Variants in BICC1 observed in about 807,000 individuals in gnomAD.
The protein encoded by BICC1 is protein bicaudal C homolog 1.
BICC1 carries 43 observed loss-of-function variants against 111.0 expected under a neutral mutation model. That is an observed-to-expected ratio of 0.39 (90% CI 0.30 to 0.50). The LOEUF is 0.50. Ranked by LOEUF, BICC1 falls within the 20% of genes least tolerant of loss-of-function variation. The probability of loss-of-function intolerance (pLI) is 0.88; values close to 1 mark genes in which losing one functional copy is unlikely to be tolerated. For synonymous variants in BICC1, 467 were observed against 434.4 expected, an observed-to-expected ratio of 1.07 and a Z score of -0.93; for missense variants, 1,091 against 1,203.2, an observed-to-expected ratio of 0.91 and a Z score of 1.38.
chr10:58,541,922 G>A (rs1842994006), intron 1 of BICC1, among the ~76,000 whole-genome samples: 2 of 151,986 alleles, frequency 1.3e-5, no homozygotes, highest in Admixed American at 1.3e-4. Flanking sequence ...GGCAGAGGTG[G>A]GCAGATCGTT....
rs141127868 is a variant in BICC1, at chr10:58,758,931, ATATTTATTTATT to A, written c.308-26036_308-26025del. ...AAGGACAGTATCTTTGATCATTAAAATATTTATTTATTTATTTATTTATTTATTTATTTATTT... is the reference window on the plus strand; with the variant it reads ...AAGGACAGTATCTTTGATCATTAAAATATTTATTTATTTATTTATTTATTT... On this transcript the variant is annotated intron_variant, in intron 3 of 20. Coordinates refer to ENST00000373886, the MANE Select transcript of BICC1 (RefSeq NM_001080512.3). 4.5e-3 allele frequency among the ~76,000 whole-genome samples: 647 copies of A among 144,132 alleles called. 4 individuals are homozygous for A. Among genetic ancestry groups the A allele is most frequent in the African/African-American group, 0.013 (514 of 39,398 alleles). 94.6% of individuals were successfully genotyped at this position (144,132 alleles called of 152,430 possible).
intron 2 of BICC1, among the ~76,000 whole-genome samples, chr10:58,660,315 A>AG (rs1838800274): frequency 6.6e-6 from 1 of 152,184 alleles, no homozygotes; most frequent in Admixed American, 6.6e-5. Flanking sequence ...AGGAGAGTAT[A>AG]GTAATAGGGG....
At chr10:58,821,961 A>G (rs1446717042) in intron 20 of BICC1, among the ~76,000 whole-genome samples, 1 of 152,106 alleles carries the variant, frequency 6.6e-6, no homozygotes, top group Non-Finnish European at 1.5e-5. Context: ...AATGGACAAA[A>G]CGATAGTTTT....
chr10:58,701,804 GT>G (rs1840245046), intron 2 of BICC1, among the ~76,000 whole-genome samples: 1 of 152,016 alleles, frequency 6.6e-6, no homozygotes, highest in Non-Finnish European at 1.5e-5. Flanking sequence ...GTACTTTTTG[GT>G]TTGTGTCTAT....
intron 2 of BICC1, among the ~76,000 whole-genome samples, chr10:58,675,922 C>A (rs1052272185): frequency 1.2e-4 from 19 of 152,200 alleles, no homozygotes; most frequent in African/African-American, 4.6e-4. Flanking sequence ...TCTGCATTTC[C>A]AACTGAGGTA....
chr10:58,825,211 G>A (rs1844359965), intron 20 of BICC1, among the ~76,000 whole-genome samples: 1 of 151,978 alleles, frequency 6.6e-6, no homozygotes, highest in Admixed American at 6.6e-5. Flanking sequence ...AGAAGTATAG[G>A]GTTCATGAGT....
intron 1 of BICC1, among the ~76,000 whole-genome samples, chr10:58,518,016 TTGCC>T (rs1204511950): frequency 3.3e-5 from 5 of 152,194 alleles, no homozygotes; most frequent in African/African-American, 1.2e-4. Context: ...CCCTGGTAGC[TTGCC>T]ATGTGTTGAG....
chr10:58,631,729 T>C (rs562246920), intron 2 of BICC1, among the ~76,000 whole-genome samples: 1 of 152,272 alleles, frequency 6.6e-6, no homozygotes, highest in East Asian at 1.9e-4. Flanking sequence ...CTTTCTTGAG[T>C]TCATCACTAA....
intron 3 of BICC1, among the ~76,000 whole-genome samples, chr10:58,746,654 A>C (rs1212787616): frequency 6.6e-6 from 1 of 152,080 alleles, no homozygotes; most frequent in East Asian, 1.9e-4. Flanking sequence ...ATCAGTTTGC[A>C]GGAGTAGGCT....
chr10:58,630,125 GT>G (rs1564521407), intron 2 of BICC1, among the ~76,000 whole-genome samples: 1 of 152,148 alleles, frequency 6.6e-6, no homozygotes, highest in Non-Finnish European at 1.5e-5. Context: ...GGCATGCTCT[GT>G]GAACTCAGCT....
chr10:58,666,263 G>C (rs917015803), intron 2 of BICC1, among the ~76,000 whole-genome samples: 2 of 152,308 alleles, frequency 1.3e-5, no homozygotes, highest in Admixed American at 1.3e-4. Flanking sequence ...TTGAACACAG[G>C]TTGAACATTC....
intron 2 of BICC1, among the ~76,000 whole-genome samples, chr10:58,634,931 G>A (rs1424745236): frequency 6.6e-6 from 1 of 152,134 alleles, no homozygotes; most frequent in Non-Finnish European, 1.5e-5. Flanking sequence ...TCATCATAAA[G>A]GTCTTTATCC....
At chr10:58,797,926 A>C (rs893438531) in intron 10 of BICC1, among the ~76,000 whole-genome samples, 3 of 152,228 alleles carry the variant, frequency 2.0e-5, no homozygotes, top group African/African-American at 7.2e-5. Flanking sequence ...CTGTTCTGGT[A>C]GCCTACCCTA....
intron 1 of BICC1, among the ~76,000 whole-genome samples, chr10:58,547,055 A>G (rs983194982): frequency 6.6e-6 from 1 of 152,198 alleles, no homozygotes; most frequent in Admixed American, 6.6e-5. Context: ...AGTTATGAAT[A>G]TAGTACAGCG....
chr10:58,799,155 C>T lies in BICC1; in HGVS notation c.1628C>T (p.Pro543Leu). Reference sequence around the variant, plus strand: ...GTGCCCACCTATGGGCACACAGCTCCATCTCCCCCTCCTGGCTTGACTCCT... The same window carrying T: ...GTGCCCACCTATGGGCACACAGCTCTATCTCCCCCTCCTGGCTTGACTCCT... Reference protein sequence around the residue: ...SGVPTYGHTAPSPPPGLTPVD... With the variant: ...SGVPTYGHTALSPPPGLTPVD... The change falls in exon 12 of 21, where the codon CCA becomes CTA. Residue 543 changes from proline to leucine, a missense_variant. Pro to Leu is a moderately conservative substitution (Grantham distance 98, BLOSUM62 -3). Coordinates refer to ENST00000373886, the MANE Select transcript of BICC1 (RefSeq NM_001080512.3). 1.2e-6 allele frequency: 2 copies of T among 1,613,948 alleles called. No homozygotes were observed. The highest frequency in any genetic ancestry group is 1.1e-5 in the South Asian group (1 of 91,072).
intron 3 of BICC1, among the ~76,000 whole-genome samples, chr10:58,724,582 T>C (rs1022147127): frequency 6.6e-6 from 1 of 152,204 alleles, no homozygotes; most frequent in Non-Finnish European, 1.5e-5. Context: ...CAGGATTCCT[T>C]GGAGTCATAA....
chr10:58,775,827 C>T (rs1221171054), intron 3 of BICC1, among the ~76,000 whole-genome samples: 2 of 152,150 alleles, frequency 1.3e-5, no homozygotes, highest in Admixed American at 6.5e-5. Flanking sequence ...GGACCACTTA[C>T]CTAATATTAG....
rs142421081 is a variant in BICC1 at position 58,533,883 on chromosome 10, A to C, written c.190+20550A>C. On this transcript the variant is annotated intron_variant, in intron 1 of 20. Coordinates refer to ENST00000373886, the MANE Select transcript of BICC1 (RefSeq NM_001080512.3). Reference sequence around the variant, plus strand: ...AAGGGGGACAAAATTACTACTAGCCATACAGAACACAATTAAATGATAATA... The same window carrying C: ...AAGGGGGACAAAATTACTACTAGCCCTACAGAACACAATTAAATGATAATA... Among the ~76,000 whole-genome samples, 519 of 151,972 alleles carry C rather than the reference A, an allele frequency of 3.4e-3. 2 individuals carry two copies. The highest frequency in any genetic ancestry group is 4.8e-3 in the Non-Finnish European group (328 of 67,850).
intron 1 of BICC1, among the ~76,000 whole-genome samples, chr10:58,620,406 T>C (rs1845763792): frequency 6.6e-6 from 1 of 152,148 alleles, no homozygotes; most frequent in Admixed American, 6.5e-5. Context: ...CCAGCTGAAA[T>C]TCAAGTAGAT....
Sources: gnomAD v4.1 joint callset for allele counts (sites outside exome capture counted in the v4.1 genomes callset) on GRCh38, gnomAD v4.1.1 for gene constraint, MANE v1.5 for transcripts, NCBI Gene and HGNC (gene_info 2026-07-23, HGNC 2026-07-21) for gene names.